Variants in USP25 observed in about 807,000 individuals in gnomAD.
USP25 encodes the protein ubiquitin carboxyl-terminal hydrolase 25.
Under a neutral mutation model 158.5 loss-of-function variants are expected in USP25, and 85 were observed. The observed-to-expected ratio is 0.54, with a 90% CI of 0.45 to 0.64. The LOEUF (loss-of-function observed/expected upper bound fraction) is 0.64, where lower values mean the gene tolerates loss of function less well. Ranked by LOEUF, USP25 falls within the 30% of genes least tolerant of loss-of-function variation. The pLI, the probability that USP25 is intolerant of heterozygous loss-of-function variation, is 0.00. For missense variants in USP25, 1,242 were observed against 1,327.3 expected (o/e 0.94, Z 1.00); for synonymous variants, 464 against 460.4 (o/e 1.01, Z -0.10).
At position 15,866,266 on chromosome 21, in the gene USP25, G is replaced by C. The variant is rs757004080; in HGVS notation, c.2727G>C (p.Arg909Ser). 9 of 1,595,990 alleles carry C rather than the reference G, an allele frequency of 5.6e-6. No homozygotes were observed. The highest frequency in any genetic ancestry group is 3.4e-4 in the Middle Eastern group (2 of 5,948). Reference sequence around the variant, plus strand: ...TCATATGTATGTGTTTTTTTTTAAGGTGTCACAACATAATGAAAGTTGCTC... The same window carrying C: ...TCATATGTATGTGTTTTTTTTTAAGCTGTCACAACATAATGAAAGTTGCTC... Reference protein sequence around the residue: ...FGDRNLSFDERCHNIMKVAQA... With the variant: ...FGDRNLSFDESCHNIMKVAQA... Residue 909 changes from arginine to serine, a missense_variant and splice_region_variant, in exon 22 of 26, where the codon AGG becomes AGC. This residue lies in a region of USP25 where 608 missense variants were observed against 605.2 expected (regional missense o/e 1.00). Coordinates refer to ENST00000400183, the MANE Select transcript of USP25 (RefSeq NM_001283041.3).
At chr21:15,794,249 G>C (rs546010108) in intron 5 of USP25, among the ~76,000 whole-genome samples, 13 of 151,528 alleles carry the variant, frequency 8.6e-5, no homozygotes, top group Non-Finnish European at 1.8e-4. Flanking sequence ...TATTATTTTA[G>C]ATACTGAGAC....
chr21:15,847,552 T>C, intron 18 of USP25, 111 bp from the exon 19 acceptor site: 2 of 671,238 alleles, frequency 3.0e-6, no homozygotes, highest in South Asian at 3.9e-5. Context: ...ATAAGTCATA[T>C]GGATACAGGG....
intron 3 of USP25, 77 bp from the exon 4 acceptor site, chr21:15,777,827 G>T: frequency 7.2e-7 from 1 of 1,383,550 alleles, no homozygotes; most frequent in Non-Finnish European, 9.7e-7. Context: ...GAGTATATTG[G>T]ATATAAAATC....
intron 3 of USP25, among the ~76,000 whole-genome samples, chr21:15,773,569 A>G (rs1219291007): frequency 6.6e-5 from 10 of 152,134 alleles, no homozygotes; most frequent in Non-Finnish European, 8.8e-5. Flanking sequence ...ATTTCAAAAA[A>G]TTTTGAATGA....
At chr21:15,841,798 CTCA>C (rs1394391699) in intron 17 of USP25, among the ~76,000 whole-genome samples, 12 of 152,122 alleles carry the variant, frequency 7.9e-5, no homozygotes, top group African/African-American at 2.7e-4. Flanking sequence ...TTGGGCTTGT[CTCA>C]TCTAGGGAAC....
At chr21:15,776,227 C>A (rs1260358821) in intron 3 of USP25, among the ~76,000 whole-genome samples, 2 of 152,086 alleles carry the variant, frequency 1.3e-5, no homozygotes, top group Non-Finnish European at 2.9e-5. Flanking sequence ...TAAAGTGATT[C>A]ACCATTTCAA....
In USP25 at chr21:15,843,238, T is replaced by G. The variant is rs2038424825; in HGVS notation, c.2337+698T>G. On this transcript the variant is annotated intron_variant, in intron 18 of 25. Coordinates refer to ENST00000400183, the MANE Select transcript of USP25 (RefSeq NM_001283041.3). The surrounding 1 kb of genome is among the most constrained non-coding windows in gnomAD (Gnocchi z 4.0). ...CTACTAAACCTTTTAGTTCCTGTAG[T>G]CATTTATCTTTTATTAGTGAGCATA... Among the ~76,000 whole-genome samples, 1 of 152,198 alleles carries G rather than the reference T, an allele frequency of 6.6e-6. No homozygotes were observed. The highest frequency in any genetic ancestry group is 2.4e-5 in the African/African-American group (1 of 41,464).
chr21:15,811,314 A>T (rs1176185682), intron 9 of USP25, 104 bp downstream of exon 9: 1 of 1,028,576 alleles, frequency 9.7e-7, no homozygotes, highest in Non-Finnish European at 1.4e-6. Flanking sequence ...TTTTAATTTG[A>T]TATATTCTGT....
In USP25 at chr21:15,864,317, C is replaced by T; in HGVS notation, c.2597C>T (p.Thr866Ile). The T allele has an allele frequency of 6.2e-7, 1 of 1,612,378 alleles. No individual in the cohort carries two copies. The highest frequency in any genetic ancestry group is 8.5e-7 in the Non-Finnish European group (1 of 1,179,562). ...ARLVKLAQED[T>I]PPETDYRLHH... The stretch of plus-strand genomic sequence containing the variant: ...TTGGTTAAGTTGGCCCAAGAAGACA[C>T]CCCACCAGAAACCGATTATCGTTTA... The change falls in exon 21 of 26, where the codon ACC (threonine) becomes ATC (isoleucine). Residue 866 changes from threonine (T) to isoleucine (I), a missense_variant. Around this residue, in one of 3 missense-constraint regions of USP25, gnomAD observed 608 missense variants for 605.2 expected, o/e 1.00. Transcript: ENST00000400183.
At chr21:15,831,698 A>G in intron 16 of USP25, 69 bp downstream of exon 16, 2 of 1,266,444 alleles carry the variant, frequency 1.6e-6, no homozygotes, top group Middle Eastern at 2.2e-4. Flanking sequence ...TGGTGTGATT[A>G]GTTAAGTGTA....
chr21:15,832,971 T>C (rs1451909830), intron 16 of USP25, among the ~76,000 whole-genome samples: 2 of 152,118 alleles, frequency 1.3e-5, no homozygotes, highest in African/African-American at 4.8e-5. Context: ...TGAGCCGAGA[T>C]TGTGTCACTG....
intron 9 of USP25, among the ~76,000 whole-genome samples, chr21:15,811,890 AAG>A (rs749695609): frequency 2.0e-5 from 3 of 152,160 alleles, no homozygotes; most frequent in African/African-American, 4.8e-5. Context: ...CAACTTTTGA[AAG>A]TTATCTTTTT....
chr21:15,731,159 CTGTT>C (rs529603335), intron 1 of USP25, among the ~76,000 whole-genome samples: 123 of 152,158 alleles, frequency 8.1e-4, no homozygotes, highest in Non-Finnish European at 1.4e-3. Flanking sequence ...AATTAAAAAA[CTGTT>C]TGTGAAACTT....
At chr21:15,836,953 C>T (rs2038092592) in intron 17 of USP25, among the ~76,000 whole-genome samples, 1 of 142,438 alleles carries the variant, frequency 7.0e-6, no homozygotes, top group South Asian at 2.4e-4. Flanking sequence ...GCAAACTTAC[C>T]TGAATACTGT....
intron 17 of USP25, among the ~76,000 whole-genome samples, chr21:15,837,707 A>G (rs1478153686): frequency 1.3e-5 from 2 of 152,194 alleles, no homozygotes; most frequent in Admixed American, 1.3e-4. Context: ...AGATTTCTTT[A>G]AAAAATAAGG....
chr21:15,774,148 C>G (rs761049947), intron 3 of USP25, among the ~76,000 whole-genome samples: 23 of 152,172 alleles, frequency 1.5e-4, no homozygotes, highest in Non-Finnish European at 2.9e-4. Context: ...GAAATCACAT[C>G]AGTTATTCTA....
At chr21:15,834,961 A>G (rs1012423196) in intron 17 of USP25, among the ~76,000 whole-genome samples, 3 of 152,198 alleles carry the variant, frequency 2.0e-5, no homozygotes, top group African/African-American at 7.2e-5. Context: ...TGTAGTAACT[A>G]TATTATAGTT....
At chr21:15,821,236 A>G (rs1452723654) in intron 10 of USP25, among the ~76,000 whole-genome samples, 5 of 152,080 alleles carry the variant, frequency 3.3e-5, no homozygotes, top group East Asian at 1.9e-4. Context: ...ACTCAGCAGT[A>G]TATCATGAGC....
chr21:15,836,686 T>C (rs531809448), intron 17 of USP25, among the ~76,000 whole-genome samples: 1 of 124,718 alleles, frequency 8.0e-6, no homozygotes, highest in African/African-American at 3.1e-5. Flanking sequence ...GGGATCAGAA[T>C]GAGTAGGGGA....
Sources: gnomAD v4.1 joint callset for allele counts (sites outside exome capture counted in the v4.1 genomes callset) on GRCh38, gnomAD v4.1.1 for gene constraint, gnomAD v4.1.1 regional missense constraint, Gnocchi (gnomAD v3.1) non-coding constraint, MANE v1.5 for transcripts, NCBI Gene and HGNC (gene_info 2026-07-23, HGNC 2026-07-21) for gene names.